THSD4: variants seen among roughly 807,000 people sequenced by gnomAD.
THSD4 encodes the protein thrombospondin type 1 domain containing 4, also known as thrombospondin type-1 domain-containing protein 4.
A neutral mutation model predicts 119.0 loss-of-function variants in THSD4; 69 were observed. The ratio of observed to expected loss-of-function variants is 0.58; its 90% CI spans 0.48 to 0.71. The LOEUF is 0.71. THSD4 is among the 30% of genes least tolerant of loss of function. The pLI, the probability that THSD4 is intolerant of heterozygous loss-of-function variation, is 0.00. For missense variants in THSD4, 1,393 were observed against 1,391.1 expected (o/e 1.00, Z -0.02); for synonymous variants, 524 against 540.4 (o/e 0.97, Z 0.42).
chr15:71,505,724 A>G (rs1053156280), intron 7 of THSD4, among the ~76,000 whole-genome samples: 4 of 152,238 alleles, frequency 2.6e-5, no homozygotes, highest in Non-Finnish European at 5.9e-5. Context: ...GAAATGCCAA[A>G]TAATACAGTT....
At chr15:71,363,449 T>G (rs1317060836) in intron 6 of THSD4, among the ~76,000 whole-genome samples, 2 of 152,094 alleles carry the variant, frequency 1.3e-5, no homozygotes, top group African/African-American at 2.4e-5. Context: ...GTGTGTGTGT[T>G]TGTGATCCCT....
At chr15:71,467,857 T>TTG (rs2047522014) in intron 7 of THSD4, among the ~76,000 whole-genome samples, 1 of 151,310 alleles carries the variant, frequency 6.6e-6, no homozygotes, top group Non-Finnish European at 1.5e-5. Flanking sequence ...TTTTTTTTTT[T>TTG]TCTTTTTTTG....
chr15:71,527,609 T>C (rs148986605), intron 7 of THSD4, among the ~76,000 whole-genome samples: 8 of 152,180 alleles, frequency 5.3e-5, no homozygotes, highest in East Asian at 1.9e-4. Context: ...CACAGCACTT[T>C]AGTTAATGTT....
intron 1 of THSD4, among the ~76,000 whole-genome samples, chr15:71,136,002 T>G (rs1348477935): frequency 2.1e-5 from 3 of 141,412 alleles, no homozygotes; most frequent in Non-Finnish European, 4.5e-5. Context: ...TTTTTTTTTT[T>G]TTTTTTTTTT....
At chr15:71,476,681 A>C (rs1162947649) in intron 7 of THSD4, among the ~76,000 whole-genome samples, 7 of 152,240 alleles carry the variant, frequency 4.6e-5, no homozygotes, top group Non-Finnish European at 1.5e-5. Flanking sequence ...ATCTATAGCT[A>C]AAGCTAATAC....
intron 7 of THSD4, among the ~76,000 whole-genome samples, chr15:71,442,933 T>G (rs1232366008): frequency 6.6e-6 from 1 of 151,556 alleles, no homozygotes; most frequent in African/African-American, 2.4e-5. Context: ...CTTGACACCT[T>G]CTTGTTCTTG....
chr15:71,127,222 G>T (rs1276192238), intron 1 of THSD4, among the ~76,000 whole-genome samples: 1 of 152,130 alleles, frequency 6.6e-6, no homozygotes, highest in Non-Finnish European at 1.5e-5. Flanking sequence ...TTAATGTCCT[G>T]CAGGTTCATC....
chr15:71,578,844 CTTT>C (rs373480493), intron 7 of THSD4, among the ~76,000 whole-genome samples: 1 of 132,270 alleles, frequency 7.6e-6, no homozygotes, highest in African/African-American at 2.8e-5. Context: ...ACTGCATTAA[CTTT>C]TTTTTTTTTT....
At chr15:71,285,674 T>C (rs555693063) in intron 6 of THSD4, among the ~76,000 whole-genome samples, 99 of 152,022 alleles carry the variant, frequency 6.5e-4, no homozygotes, top group Middle Eastern at 6.9e-3. Flanking sequence ...GCCAATATGG[T>C]AAAACCCTGT....
At position 71,355,665 on chromosome 15, in the gene THSD4, G is replaced by A. The variant is rs144445862; in HGVS notation, c.1016-56022G>A. Among the ~76,000 whole-genome samples the A allele has an allele frequency of 4.0e-3, 613 of 152,186 alleles. 7 individuals carry two copies. The highest frequency in any genetic ancestry group is 0.014 in the African/African-American group (584 of 41,518). On this transcript the variant is annotated intron_variant, in intron 6 of 17. Transcript: ENST00000261862. ...GCTGCAGGCTTGGCCCCTGCTCAGCGGAGAACATGTTCTTGAGCAGTCAGG... is the reference window on the plus strand; with the variant it reads ...GCTGCAGGCTTGGCCCCTGCTCAGCAGAGAACATGTTCTTGAGCAGTCAGG...
chr15:71,172,545 G>A (rs147931824), intron 3 of THSD4, among the ~76,000 whole-genome samples: 2,565 of 149,790 alleles, frequency 0.017, 42 homozygotes, highest in South Asian at 0.049. Context: ...ACAAATTTCA[G>A]AAAGAAGAAG....
chr15:71,168,155 T>G (rs1349900170), intron 3 of THSD4, among the ~76,000 whole-genome samples: 1 of 152,234 alleles, frequency 6.6e-6, no homozygotes, highest in East Asian at 1.9e-4. Flanking sequence ...GTGGCTTCAT[T>G]TGTGGATAAA....
rs766353504 is a variant in THSD4, at chr15:71,660,643, C to T, written c.1266C>T (p.Leu422=). 8.7e-6 allele frequency: 14 copies of T among 1,614,134 alleles called. No homozygotes were observed. Among genetic ancestry groups the T allele is most frequent in the Non-Finnish European group, 1.2e-5 (14 of 1,180,028 alleles). ...TGTCGGGCGTGTTTAAGCATGCCCT[C>T]ACCAGCCTGGGCTACCACCGCGTCG... is the stretch of plus-strand genomic sequence containing the variant. ...QVVSGVFKHA[L]TSLGYHRVVE... Residue 422 remains leucine (L), a synonymous_variant, in exon 8 of 18, where the codon CTC becomes CTT. Transcript: ENST00000261862.
rs199854193 is a variant in THSD4, at chr15:71,450,334, A to T, written c.1152+38511A>T. On this transcript the variant is annotated intron_variant, in intron 7 of 17. Transcript: ENST00000261862. ...AGGCCCAGGTGAGAATAATGCAGGC[A>T]ATTGAAGATTTTTTTTTTTCTTGCT... 2.6e-5 allele frequency among the ~76,000 whole-genome samples: 4 copies of T among 151,482 alleles called. No individual in the cohort carries two copies. In the East Asian group the frequency reaches 5.8e-4, roughly 22 times the overall value.
chr15:71,639,688 T>G (rs2050816236), intron 7 of THSD4, among the ~76,000 whole-genome samples: 1 of 152,198 alleles, frequency 6.6e-6, no homozygotes, highest in African/African-American at 2.4e-5. Flanking sequence ...AACAACTTAT[T>G]AAATTGTGAA....
intron 7 of THSD4, among the ~76,000 whole-genome samples, chr15:71,574,815 C>T (rs1432956000): frequency 1.3e-5 from 2 of 152,122 alleles, no homozygotes; most frequent in African/African-American, 4.8e-5. Context: ...TATGGAAAGG[C>T]ATGAACAGGT....
intron 7 of THSD4, among the ~76,000 whole-genome samples, chr15:71,514,221 G>C (rs1306044645): frequency 6.6e-6 from 1 of 152,156 alleles, no homozygotes; most frequent in Non-Finnish European, 1.5e-5. Flanking sequence ...GGTATCAGGA[G>C]AAAGGAAAGG....
chr15:71,167,336 T>C (rs990155125), intron 3 of THSD4: 3 of 152,238 alleles, frequency 2.0e-5, no homozygotes, highest in South Asian at 2.1e-4. Flanking sequence ...AAGCCAGCCA[T>C]AGACAATGTG....
At chr15:71,610,449 T>G (rs1329280840) in intron 7 of THSD4, among the ~76,000 whole-genome samples, 1 of 151,878 alleles carries the variant, frequency 6.6e-6, no homozygotes, top group Non-Finnish European at 1.5e-5. Context: ...CTCAAGGCAA[T>G]GAGAATTTTT....
Sources: gnomAD v4.1 joint callset for allele counts (sites outside exome capture counted in the v4.1 genomes callset) on GRCh38, gnomAD v4.1.1 for gene constraint, MANE v1.5 for transcripts, NCBI Gene and HGNC (gene_info 2026-07-23, HGNC 2026-07-21) for gene names.